Variants in SERPINI1 observed in about 807,000 individuals in gnomAD.
SERPINI1 encodes serpin family I member 1, also known as neuroserpin.
SERPINI1 carries 19 observed loss-of-function variants against 41.1 expected under a neutral mutation model. The observed-to-expected ratio is 0.46, with a 90% CI of 0.32 to 0.68. The LOEUF is 0.68. Ranked by LOEUF, SERPINI1 falls within the 30% of genes least tolerant of loss-of-function variation. The pLI, the probability that SERPINI1 is intolerant of heterozygous loss-of-function variation, is 0.03. For missense variants in SERPINI1, 460 were observed against 479.2 expected (o/e 0.96, Z 0.37); for synonymous variants, 138 against 156.6 (o/e 0.88, Z 0.89).
intron 1 of SERPINI1, among the ~76,000 whole-genome samples, chr3:167,745,099 G>A (rs1725824715): frequency 6.6e-6 from 1 of 151,194 alleles, no homozygotes; most frequent in African/African-American, 2.4e-5. Flanking sequence ...TAGATGAAGT[G>A]AACAAATTGC....
chr3:167,747,440 C>T (rs1027758291), intron 1 of SERPINI1, among the ~76,000 whole-genome samples: 1 of 152,118 alleles, frequency 6.6e-6, no homozygotes, highest in African/African-American at 2.4e-5. Context: ...GTCAGGAGAT[C>T]GAAACCATCC....
In SERPINI1 at chr3:167,769,795, A is replaced by C. The variant is rs62278335; in HGVS notation, c.-18-19316A>C. ...TATTGAAAAGTTTGACCATGTTTTT[A>C]CCTGTTTAAAAGCCATTTGTAATAT... On this transcript the variant is annotated intron_variant, in intron 1 of 8. Coordinates refer to ENST00000446050, the MANE Select transcript of SERPINI1 (RefSeq NM_001122752.2). Among the ~76,000 whole-genome samples, 5 of 151,982 alleles carry C rather than the reference A, an allele frequency of 3.3e-5. No individual in the cohort carries two copies. The East Asian group carries it at 7.7e-4, about 24-fold the overall frequency.
rs1712043854 is a variant in SERPINI1 at position 167,815,373 on chromosome 3, CTTTTTCTT to C, written c.980-7607_980-7600del. Reference sequence around the variant, plus strand: ...CCCCTTAGTACCTGTGATGTGATTTCTTTTTCTTTTTTTTTCTTTTTTTTTCTTTTTTG... The same window carrying C: ...CCCCTTAGTACCTGTGATGTGATTTCTTTTTTTCTTTTTTTTTCTTTTTTG... On this transcript the variant is annotated intron_variant, in intron 6 of 8. Coordinates refer to ENST00000446050, the MANE Select transcript of SERPINI1 (RefSeq NM_001122752.2). Among the ~76,000 whole-genome samples the C allele has an allele frequency of 2.0e-5, 3 of 151,256 alleles. No individual in the cohort carries two copies. The South Asian group carries it at 6.3e-4, about 32-fold the overall frequency.
intron 1 of SERPINI1, among the ~76,000 whole-genome samples, chr3:167,742,356 G>T (rs1725707518): frequency 6.6e-6 from 1 of 152,188 alleles, no homozygotes; most frequent in South Asian, 2.1e-4. Context: ...TAAAACAATA[G>T]GGATTTATTT....
chr3:167,772,478 T>G (rs79197310), intron 1 of SERPINI1, among the ~76,000 whole-genome samples: 7 of 152,270 alleles, frequency 4.6e-5, no homozygotes, highest in African/African-American at 1.7e-4. Context: ...CTTTTCTTAT[T>G]GGGATTTTAA....
At chr3:167,785,640 G>C (rs1727280231) in intron 1 of SERPINI1, among the ~76,000 whole-genome samples, 1 of 152,128 alleles carries the variant, frequency 6.6e-6, no homozygotes, top group Non-Finnish European at 1.5e-5. Context: ...AAATAAGATA[G>C]TTGTTTTAAG....
At chr3:167,789,074 A>G in intron 1 of SERPINI1, 37 bp from the exon 2 acceptor site, 3 of 1,592,500 alleles carry the variant, frequency 1.9e-6, no homozygotes, top group Non-Finnish European at 8.6e-7. Context: ...TGTTATAGAG[A>G]TAACTAATAA....
In SERPINI1 at chr3:167,770,840, T is replaced by G. The variant is rs1329404272; in HGVS notation, c.-18-18271T>G. Reference sequence around the variant, plus strand: ...CTGTTTCTCCAGCTCTCACTAACCTTTATTTCTATGTTACGTTTGTTGAAA... The same window carrying G: ...CTGTTTCTCCAGCTCTCACTAACCTGTATTTCTATGTTACGTTTGTTGAAA... On this transcript the variant is annotated intron_variant, in intron 1 of 8. Transcript: ENST00000446050. 6.6e-5 allele frequency among the ~76,000 whole-genome samples: 10 copies of G among 152,302 alleles called. No individual in the cohort carries two copies. The South Asian group carries it at 2.1e-3, about 32-fold the overall frequency.
intron 3 of SERPINI1, 30 bp from the exon 4 acceptor site, chr3:167,792,560 A>G: frequency 6.3e-7 from 1 of 1,593,042 alleles, no homozygotes; most frequent in Non-Finnish European, 8.6e-7. Context: ...TTTAACATGA[A>G]TTTTTATCTA....
intron 5 of SERPINI1, among the ~76,000 whole-genome samples, chr3:167,797,168 T>C (rs984367297): frequency 6.6e-6 from 1 of 152,176 alleles, no homozygotes; most frequent in Non-Finnish European, 1.5e-5. Context: ...TTTTGAGTCA[T>C]GTTGTTCATG....
At chr3:167,761,370 T>C (rs1454312649) in intron 1 of SERPINI1, among the ~76,000 whole-genome samples, 4 of 152,242 alleles carry the variant, frequency 2.6e-5, no homozygotes, top group African/African-American at 9.6e-5. Flanking sequence ...TTCCCAATTG[T>C]AACAATTTCT....
At chr3:167,748,033 ACTT>A (rs1391255780) in intron 1 of SERPINI1, among the ~76,000 whole-genome samples, 2 of 151,962 alleles carry the variant, frequency 1.3e-5, no homozygotes, top group Non-Finnish European at 2.9e-5. Context: ...TTATCTTAAT[ACTT>A]CTTTATATCT....
intron 1 of SERPINI1, among the ~76,000 whole-genome samples, chr3:167,741,586 T>C (rs2108528968): frequency 6.6e-6 from 1 of 152,366 alleles, no homozygotes; most frequent in East Asian, 1.9e-4. Flanking sequence ...TTATACCCGT[T>C]AGTAGTATGC....
intron 1 of SERPINI1, among the ~76,000 whole-genome samples, chr3:167,781,113 T>C (rs1044867385): frequency 1.3e-5 from 2 of 152,174 alleles, no homozygotes; most frequent in African/African-American, 2.4e-5. Context: ...TGACAAGTTT[T>C]TTTGACAAAG....
chr3:167,796,293 CATG>C (rs1727708871), intron 5 of SERPINI1, among the ~76,000 whole-genome samples: 2 of 151,488 alleles, frequency 1.3e-5, no homozygotes, highest in African/African-American at 4.8e-5. Context: ...TATAGCATGT[CATG>C]TTATATATTC....
intron 1 of SERPINI1, among the ~76,000 whole-genome samples, chr3:167,759,211 T>G (rs907812443): frequency 6.6e-6 from 1 of 152,002 alleles, no homozygotes. Flanking sequence ...CAGAGATTTC[T>G]CAAAGACCTA....
At chr3:167,755,485 A>G (rs1437068665) in intron 1 of SERPINI1, among the ~76,000 whole-genome samples, 1 of 152,200 alleles carries the variant, frequency 6.6e-6, no homozygotes, top group East Asian at 1.9e-4. Flanking sequence ...ATTAAGATAG[A>G]GCTATACTTT....
intron 3 of SERPINI1, among the ~76,000 whole-genome samples, chr3:167,791,154 T>A (rs770792472): frequency 1.7e-4 from 26 of 152,298 alleles, no homozygotes; most frequent in Non-Finnish European, 3.4e-4. Context: ...TATTTTATAT[T>A]TTTAAAATGT....
chr3:167,788,841 A>T (rs149862448), intron 1 of SERPINI1, among the ~76,000 whole-genome samples: 2 of 152,276 alleles, frequency 1.3e-5, no homozygotes, highest in African/African-American at 4.8e-5. Context: ...ATCAAACTGT[A>T]TTTGGCGAGG....
Sources: gnomAD v4.1 joint callset for allele counts (sites outside exome capture counted in the v4.1 genomes callset) on GRCh38, gnomAD v4.1.1 for gene constraint, MANE v1.5 for transcripts, NCBI Gene and HGNC (gene_info 2026-07-23, HGNC 2026-07-21) for gene names.